Variants in RAD51B observed in about 807,000 individuals in gnomAD.
RAD51B encodes the protein DNA repair protein RAD51 homolog 2.
A neutral mutation model predicts 42.2 loss-of-function variants in RAD51B; 38 were observed. The observed-to-expected ratio is 0.90, with a 90% CI of 0.70 to 1.18. The LOEUF is 1.18. Ranked by LOEUF, RAD51B falls within the 50% of genes most tolerant of loss-of-function variation. The pLI is 0.00. For synonymous variants in RAD51B, 154 were observed against 145.2 expected, an observed-to-expected ratio of 1.06 and a Z score of -0.43; for missense variants, 373 against 400.7, an observed-to-expected ratio of 0.93 and a Z score of 0.59.
At chr14:68,315,646 C>G (rs929610621) in intron 8 of RAD51B, among the ~76,000 whole-genome samples, 1 of 152,082 alleles carries the variant, frequency 6.6e-6, no homozygotes, top group Non-Finnish European at 1.5e-5. Flanking sequence ...CTCAGCCTCC[C>G]GAGTAGCTGG....
At chr14:68,457,628 C>G (rs1334572289) in intron 9 of RAD51B, among the ~76,000 whole-genome samples, 1 of 151,894 alleles carries the variant, frequency 6.6e-6, no homozygotes, top group East Asian at 1.9e-4. Context: ...GAGACGGAGT[C>G]TAGCTTTGTT....
intron 7 of RAD51B, among the ~76,000 whole-genome samples, chr14:67,900,523 T>C (rs1189713894): frequency 6.6e-6 from 1 of 151,640 alleles, no homozygotes. Context: ...TTCATGAATT[T>C]AATTAAAAGT....
At chr14:67,995,862 C>T (rs796225700) in intron 7 of RAD51B, among the ~76,000 whole-genome samples, 13 of 152,142 alleles carry the variant, frequency 8.5e-5, no homozygotes, top group African/African-American at 2.9e-4. Context: ...CGTGATCCGC[C>T]CGCCTTGGCC....
intron 10 of RAD51B, among the ~76,000 whole-genome samples, chr14:68,610,566 C>A (rs1891636527): frequency 6.6e-6 from 1 of 152,236 alleles, no homozygotes; most frequent in African/African-American, 2.4e-5. Flanking sequence ...GCCTGAGTCC[C>A]TGCCATGTGA....
At chr14:67,891,633 A>C (rs1242637683) in intron 7 of RAD51B, among the ~76,000 whole-genome samples, 2 of 151,486 alleles carry the variant, frequency 1.3e-5, no homozygotes, top group Non-Finnish European at 3.0e-5. Context: ...GGTGAACTTC[A>C]TGTGGGCCTG....
intron 11 of RAD51B, among the ~76,000 whole-genome samples, chr14:68,658,745 C>T (rs1010503437): frequency 2.0e-5 from 3 of 152,220 alleles, no homozygotes; most frequent in Admixed American, 2.0e-4. Context: ...ATCATCAACA[C>T]CATTGTCATC....
chr14:68,498,561 A>T (rs982274552), intron 10 of RAD51B, among the ~76,000 whole-genome samples: 6 of 151,962 alleles, frequency 3.9e-5, no homozygotes, highest in Non-Finnish European at 8.8e-5. Context: ...TGCAGACTGA[A>T]CTCTACACAT....
intron 7 of RAD51B, among the ~76,000 whole-genome samples, chr14:68,065,186 G>A (rs1287735496): frequency 2.6e-5 from 4 of 152,124 alleles, no homozygotes; most frequent in Non-Finnish European, 5.9e-5. Context: ...TTTTGAAGGG[G>A]TAGCATAGTG....
intron 10 of RAD51B, among the ~76,000 whole-genome samples, chr14:68,500,188 A>T (rs1884822043): frequency 6.6e-6 from 1 of 152,216 alleles, no homozygotes; most frequent in South Asian, 2.1e-4. Context: ...AGATCCTCAC[A>T]TCTATTTGAA....
chr14:67,838,125 T>C (rs1021191839), intron 4 of RAD51B, among the ~76,000 whole-genome samples: 5 of 152,224 alleles, frequency 3.3e-5, no homozygotes, highest in Non-Finnish European at 5.9e-5. Context: ...CAGAATCTCA[T>C]TCTTTTTTAT....
chr14:68,180,030 C>T (rs559758011), intron 7 of RAD51B, among the ~76,000 whole-genome samples: 3 of 152,040 alleles, frequency 2.0e-5, no homozygotes, highest in African/African-American at 7.2e-5. Flanking sequence ...ACCCTTTATT[C>T]CCCCCTTGCA....
intron 8 of RAD51B, among the ~76,000 whole-genome samples, chr14:68,410,991 A>T (rs2084404030): frequency 6.6e-6 from 1 of 152,140 alleles, no homozygotes; most frequent in Non-Finnish European, 1.5e-5. Flanking sequence ...CACCATTTCT[A>T]TATTGATAGG....
chr14:68,521,261 A>C (rs1886556454), intron 10 of RAD51B, among the ~76,000 whole-genome samples: 1 of 152,170 alleles, frequency 6.6e-6, no homozygotes, highest in African/African-American at 2.4e-5. Context: ...GCAACGTGAA[A>C]GTACCAACAT....
intron 10 of RAD51B, among the ~76,000 whole-genome samples, chr14:68,556,127 C>T (rs1051125732): frequency 1.3e-5 from 2 of 152,182 alleles, no homozygotes; most frequent in African/African-American, 4.8e-5. Context: ...AGCTGCTATT[C>T]ACTCAATGGT....
intron 8 of RAD51B, among the ~76,000 whole-genome samples, chr14:68,360,907 G>C (rs1186600786): frequency 6.6e-6 from 1 of 152,210 alleles, no homozygotes; most frequent in African/African-American, 2.4e-5. Context: ...GGTAGACAGA[G>C]CAAGGCCTGT....
chr14:68,405,164 T>C (rs1327364887), intron 8 of RAD51B, among the ~76,000 whole-genome samples: 1 of 152,216 alleles, frequency 6.6e-6, no homozygotes, highest in Non-Finnish European at 1.5e-5. Context: ...TCAAAAGAGA[T>C]GTAGCTAAGA....
chr14:68,001,762 C>G (rs2075488376), intron 7 of RAD51B, among the ~76,000 whole-genome samples: 1 of 152,148 alleles, frequency 6.6e-6, no homozygotes, highest in Non-Finnish European at 1.5e-5. Flanking sequence ...GTGTTCTCAT[C>G]ATCCAGCTCC....
chr14:68,252,584 T>A (rs1025868700), intron 7 of RAD51B, among the ~76,000 whole-genome samples: 8 of 152,204 alleles, frequency 5.3e-5, no homozygotes, highest in Admixed American at 2.6e-4. Context: ...TATAAACTGT[T>A]TTGCAACTTG....
chr14:68,123,945 G>A (rs774341007), intron 7 of RAD51B, among the ~76,000 whole-genome samples: 11 of 152,148 alleles, frequency 7.2e-5, no homozygotes, highest in Non-Finnish European at 1.0e-4. Context: ...AGTTGGTCCT[G>A]CTATGATTTG....
Sources: allele counts gnomAD v4.1 joint callset (sites outside exome capture counted in the v4.1 genomes callset), GRCh38; gene constraint gnomAD v4.1.1; transcripts MANE v1.5; gene names NCBI Gene and HGNC (gene_info 2026-07-23, HGNC 2026-07-21).